PSD2: variants seen among roughly 807,000 people sequenced by gnomAD.
PSD2 encodes pleckstrin and Sec7 domain containing 2.
A neutral mutation model predicts 69.8 loss-of-function variants in PSD2; 38 were observed. The ratio of observed to expected loss-of-function variants is 0.54; its 90% CI spans 0.42 to 0.71. The LOEUF (loss-of-function observed/expected upper bound fraction) is 0.71, where lower values mean the gene tolerates loss of function less well. PSD2 is among the 30% of genes least tolerant of loss of function. The probability of loss-of-function intolerance (pLI) is 0.00; values close to 1 mark genes in which losing one functional copy is unlikely to be tolerated. For synonymous variants in PSD2, 412 were observed against 423.0 expected, an observed-to-expected ratio of 0.97 and a Z score of 0.32; for missense variants, 943 against 1,014.5, an observed-to-expected ratio of 0.93 and a Z score of 0.96.
At chr5:139,778,669 G>C in the PSD2 span, among the ~76,000 whole-genome samples, 12,994 of 151,970 alleles carry the variant, frequency 0.086, 611 homozygotes, top group African/African-American at 0.098. Context: ...GGTGGCTTAC[G>C]CCTGTAATAC....
intron 7 of PSD2, among the ~76,000 whole-genome samples, chr5:139,824,602 T>A (rs1760369380): frequency 6.6e-6 from 1 of 152,120 alleles, no homozygotes; most frequent in South Asian, 2.1e-4. Context: ...TCTCTTTACG[T>A]GGTACTGCTC....
intron 2 of PSD2, among the ~76,000 whole-genome samples, chr5:139,812,539 G>T (rs557568150): frequency 6.6e-6 from 1 of 152,266 alleles, no homozygotes; most frequent in Non-Finnish European, 1.5e-5. Flanking sequence ...CAAAGCTTTT[G>T]TTCTGGGGCT....
chr5:139,837,643 A>G lies in PSD2; in HGVS notation c.1684A>G (p.Lys562Glu), dbSNP rs983270809. 1.9e-6 allele frequency: 3 copies of G among 1,612,124 alleles called. No individual in the cohort carries two copies. Among genetic ancestry groups the G allele is most frequent in the Non-Finnish European group, 2.5e-6 (3 of 1,178,630 alleles). ...CACCCAGGATGAGTACAGGCCTGACAAAGCTCTATCGGAGGGTGACCTGAA... is the reference window on the plus strand; with the variant it reads ...CACCCAGGATGAGTACAGGCCTGACGAAGCTCTATCGGAGGGTGACCTGAA... The part of the protein sequence containing the change: ...YLQKDEYRPD[K>E]ALSEGDLKNA... Residue 562 changes from lysine to glutamate, a missense_variant, in exon 12 of 15, where the codon AAA (lysine) becomes GAA (glutamate). By Grantham distance (56) the Lys-to-Glu change is moderately conservative. Coordinates refer to ENST00000274710, the MANE Select transcript of PSD2 (RefSeq NM_032289.4). This position sits in a 1 kb window ranked among gnomAD's most constrained non-coding sequence, Gnocchi z 5.0.
chr5:139,756,835 C>T, the PSD2 span, among the ~76,000 whole-genome samples: 27 of 152,186 alleles, frequency 1.8e-4, no homozygotes, highest in African/African-American at 6.3e-4. Flanking sequence ...AATAGGGAAG[C>T]TATTAGCTTC....
At chr5:139,784,895 C>T in the PSD2 span, among the ~76,000 whole-genome samples, 1 of 152,006 alleles carries the variant, frequency 6.6e-6, no homozygotes, top group South Asian at 2.1e-4. Flanking sequence ...GCTGGGATAA[C>T]AGGTGTGCAC....
In PSD2 at chr5:139,842,340, C is replaced by A. The variant is rs746213462; in HGVS notation, c.2182C>A (p.Arg728=). The A allele has an allele frequency of 1.2e-6, 2 of 1,614,164 alleles. No individual in the cohort carries two copies. The highest frequency in any genetic ancestry group is 1.1e-5 in the South Asian group (1 of 91,076). ...CAAAGTGGGCTCAGATGATCTGGAG[C>A]GGATTGAGGCCCGGCTGGCCACTCT... ...KIKVGSDDLE[R]IEARLATLEG... The change falls in exon 15 of 15, where the codon CGG becomes AGG. Residue 728 remains arginine, a synonymous_variant. Transcript: ENST00000274710.
intron 7 of PSD2, among the ~76,000 whole-genome samples, chr5:139,832,960 A>T (rs1189218721): frequency 6.6e-6 from 1 of 151,994 alleles, no homozygotes; most frequent in African/African-American, 2.4e-5. Flanking sequence ...TGAGTGTGAA[A>T]CCATCTGCTT....
At chr5:139,804,597 G>T (rs921022824) in intron 1 of PSD2, among the ~76,000 whole-genome samples, 1 of 152,140 alleles carries the variant, frequency 6.6e-6, no homozygotes, top group Non-Finnish European at 1.5e-5. Flanking sequence ...TAGCCCACTG[G>T]AAGCAAAACG....
At chr5:139,777,061 T>G in the PSD2 span, among the ~76,000 whole-genome samples, 1 of 152,234 alleles carries the variant, frequency 6.6e-6, no homozygotes, top group Admixed American at 6.5e-5. Context: ...CTCCATCTGC[T>G]GCACACAGGC....
the PSD2 span, among the ~76,000 whole-genome samples, chr5:139,766,930 CTTCTTTCTTTCTTTCTTTCT>C: frequency 4.3e-4 from 19 of 44,116 alleles, no homozygotes; most frequent in South Asian, 8.3e-4. Context: ...CCTTCCTTCC[CTTCTTTCTTTCTTTCTTTCT>C]TTCTTTCTTT....
intron 4 of PSD2, among the ~76,000 whole-genome samples, chr5:139,817,072 C>G (rs1581722618): frequency 6.6e-6 from 1 of 152,250 alleles, no homozygotes; most frequent in Non-Finnish European, 1.5e-5. Flanking sequence ...ACTGACCATC[C>G]CTGCTTTAAC....
intron 7 of PSD2, among the ~76,000 whole-genome samples, chr5:139,832,985 CCAGCT>C (rs920722953): frequency 1.3e-5 from 2 of 152,042 alleles, no homozygotes; most frequent in Non-Finnish European, 2.9e-5. Flanking sequence ...TCTCTTTGTC[CCAGCT>C]CAGCTCAGCT....
intron 7 of PSD2, among the ~76,000 whole-genome samples, chr5:139,828,405 G>A (rs1760483731): frequency 6.6e-6 from 1 of 152,178 alleles, no homozygotes; most frequent in East Asian, 1.9e-4. Flanking sequence ...GGCAACAGCG[G>A]GAGTTTCTGG....
chr5:139,842,435 CAGCAA>C lies in PSD2; in HGVS notation c.2279_2283del (p.Ser760AsnfsTer9). The C allele has an allele frequency of 1.2e-6, 2 of 1,614,164 alleles. No individual in the cohort carries two copies. Among genetic ancestry groups the C allele is most frequent in the Non-Finnish European group, 1.7e-6 (2 of 1,180,020 alleles). ...CCCTCAGCCAGGGCCATGTGACTGG[CAGCAA>C]AACCACAAAGGATGCCACTGGGCCT... is the stretch of plus-strand genomic sequence containing the variant. On this transcript the variant is annotated frameshift_variant, in exon 15 of 15. Transcript: ENST00000274710. LOFTEE classifies it high-confidence loss of function.
chr5:139,836,253 C>T (rs1225912112), intron 9 of PSD2, among the ~76,000 whole-genome samples: 4 of 152,176 alleles, frequency 2.6e-5, no homozygotes. Context: ...GTTGACCTTG[C>T]TGTTTGGGGA....
the PSD2 span, among the ~76,000 whole-genome samples, chr5:139,786,614 T>G: frequency 6.6e-6 from 1 of 152,068 alleles, no homozygotes; most frequent in African/African-American, 2.4e-5. Flanking sequence ...GACTCCAGGC[T>G]TCACTTCAAA....
intron 5 of PSD2, among the ~76,000 whole-genome samples, chr5:139,818,299 C>G (rs750106571): frequency 6.6e-6 from 1 of 152,274 alleles, no homozygotes; most frequent in Non-Finnish European, 1.5e-5. Flanking sequence ...AATCCCAGCA[C>G]TTTGGGAGGC....
At chr5:139,752,874 G>T in the PSD2 span, among the ~76,000 whole-genome samples, 2 of 152,196 alleles carry the variant, frequency 1.3e-5, no homozygotes, top group South Asian at 2.1e-4. Context: ...ACACGGCAGC[G>T]CCCCTGCCCG....
chr5:139,789,994 C>CG, the PSD2 span, among the ~76,000 whole-genome samples: 191 of 148,302 alleles, frequency 1.3e-3, 1 homozygote, highest in Non-Finnish European at 3.4e-4. Flanking sequence ...AGCACGGGGC[C>CG]GGGCGGGCGC....
Sources: allele counts gnomAD v4.1 joint callset (sites outside exome capture counted in the v4.1 genomes callset), GRCh38; gene constraint gnomAD v4.1.1; non-coding constraint Gnocchi (gnomAD v3.1); transcripts MANE v1.5; gene names NCBI Gene and HGNC (gene_info 2026-07-23, HGNC 2026-07-21).